KLF12: variants seen among roughly 807,000 people sequenced by gnomAD.
KLF12 encodes KLF transcription factor 12, also known as Krueppel-like factor 12.
KLF12 carries 9 observed loss-of-function variants against 37.8 expected under a neutral mutation model. That is an observed-to-expected ratio of 0.24 (90% confidence interval 0.14 to 0.42). The LOEUF is 0.42. Ranked by LOEUF, KLF12 falls within the 10% of genes least tolerant of loss-of-function variation. The pLI is 1.00. For synonymous variants in KLF12, 208 were observed against 202.1 expected (o/e 1.03, Z -0.25); for missense variants, 411 against 516.0 (o/e 0.80, Z 1.97).
intron 2 of KLF12, among the ~76,000 whole-genome samples, chr13:73,973,386 G>A (rs2138120883): frequency 6.6e-6 from 1 of 152,282 alleles, no homozygotes; most frequent in Non-Finnish European, 1.5e-5. Context: ...ACTAAGTTCA[G>A]TATCTGAGTG....
chr13:74,305,117 A>C, the KLF12 span, among the ~76,000 whole-genome samples: 1 of 152,050 alleles, frequency 6.6e-6, no homozygotes, highest in African/African-American at 2.4e-5. Flanking sequence ...ATTTTCCCCC[A>C]TAAATCTTGA....
chr13:73,779,348 A>C (rs1393752656), intron 5 of KLF12, among the ~76,000 whole-genome samples: 1 of 152,202 alleles, frequency 6.6e-6, no homozygotes, highest in African/African-American at 2.4e-5. Context: ...GAGAGTGAGC[A>C]CAATCACCAG....
intron 5 of KLF12, among the ~76,000 whole-genome samples, chr13:73,779,939 C>T (rs1213987535): frequency 6.6e-6 from 1 of 152,082 alleles, no homozygotes; most frequent in Non-Finnish European, 1.5e-5. Context: ...ATTCTAGATG[C>T]CATTAAGAAC....
At chr13:73,826,474 A>G (rs1302292623) in intron 4 of KLF12, among the ~76,000 whole-genome samples, 1 of 152,138 alleles carries the variant, frequency 6.6e-6, no homozygotes, top group African/African-American at 2.4e-5. Context: ...ATGTCAAGTC[A>G]TTTCTTAGTT....
chr13:74,146,622 T>TA, the KLF12 span, among the ~76,000 whole-genome samples: 60 of 152,342 alleles, frequency 3.9e-4, no homozygotes, highest in Non-Finnish European at 4.4e-4. Flanking sequence ...ACACTATTAG[T>TA]AAAAAACTAA....
intron 1 of KLF12, among the ~76,000 whole-genome samples, chr13:74,073,242 T>C (rs1286985252): frequency 6.6e-6 from 1 of 152,248 alleles, no homozygotes; most frequent in Non-Finnish European, 1.5e-5. Context: ...TACAGCCATC[T>C]ATTTGACTGA....
At chr13:73,763,506 G>A (rs1879701738) in intron 6 of KLF12, among the ~76,000 whole-genome samples, 2 of 152,184 alleles carry the variant, frequency 1.3e-5, no homozygotes, top group Non-Finnish European at 2.9e-5. Context: ...CTTCTCTGGA[G>A]ATACAAGAGG....
At chr13:73,738,090 TAC>T (rs1157277218) in intron 6 of KLF12, among the ~76,000 whole-genome samples, 5 of 108,324 alleles carry the variant, frequency 4.6e-5, no homozygotes, top group Non-Finnish European at 9.9e-5. Flanking sequence ...TATGTATGTG[TAC>T]ATATATATAT....
At chr13:73,793,897 G>T (rs942400768) in intron 5 of KLF12, among the ~76,000 whole-genome samples, 1 of 152,172 alleles carries the variant, frequency 6.6e-6, no homozygotes, top group Non-Finnish European at 1.5e-5. Flanking sequence ...AATGACAAAG[G>T]ACAACTGGTG....
rs180781388 is a variant in KLF12 at position 73,807,493 on chromosome 13, A to G, written c.806+5659T>C. On this transcript the variant is annotated intron_variant, in intron 5 of 7. Transcript: ENST00000377669. ...TTCTTTAAGACGATGAGCACTTCAT[A>G]TAAGCCATATAATAATAAAAACAGG... 1.8e-3 allele frequency among the ~76,000 whole-genome samples: 270 copies of G among 152,296 alleles called. 3 individuals are homozygous for G. The highest frequency in any genetic ancestry group is 0.017 in the South Asian group (84 of 4,826).
intron 5 of KLF12, among the ~76,000 whole-genome samples, chr13:73,774,655 T>C (rs1880489181): frequency 6.6e-6 from 1 of 152,200 alleles, no homozygotes; most frequent in Admixed American, 6.5e-5. Flanking sequence ...GTGAAAGGTA[T>C]ATGTGAATTC....
intron 4 of KLF12, among the ~76,000 whole-genome samples, chr13:73,842,712 A>G (rs1406658362): frequency 6.6e-6 from 1 of 152,188 alleles, no homozygotes; most frequent in East Asian, 1.9e-4. Flanking sequence ...CATTTTGAAA[A>G]TCCAACTTCC....
chr13:73,851,123 CT>C (rs1291112910), intron 3 of KLF12, among the ~76,000 whole-genome samples: 1 of 152,120 alleles, frequency 6.6e-6, no homozygotes, highest in South Asian at 2.1e-4. Context: ...GCATTAAGTG[CT>C]TTTTAAGTAA....
At chr13:74,091,992 CT>C (rs1319267662) in intron 1 of KLF12, among the ~76,000 whole-genome samples, 1 of 127,612 alleles carries the variant, frequency 7.8e-6, no homozygotes, top group East Asian at 4.6e-4. Context: ...ACAAAGCAAC[CT>C]TTAAAAAAAA....
the KLF12 span, among the ~76,000 whole-genome samples, chr13:74,263,478 C>A: frequency 1.3e-5 from 2 of 152,164 alleles, no homozygotes; most frequent in Non-Finnish European, 2.9e-5. Flanking sequence ...TGTCAGCTCA[C>A]GTTTGACACT....
intron 6 of KLF12, among the ~76,000 whole-genome samples, chr13:73,738,110 T>TGTATATGTAC (rs1218452087): frequency 1.1e-5 from 1 of 90,476 alleles, no homozygotes; most frequent in African/African-American, 4.5e-5. Flanking sequence ...TATATATATA[T>TGTATATGTAC]ATATATATAT....
chr13:73,984,026 G>C (rs1891754835), intron 2 of KLF12, among the ~76,000 whole-genome samples: 1 of 152,188 alleles, frequency 6.6e-6, no homozygotes, highest in Non-Finnish European at 1.5e-5. Context: ...CAGTGCTTCA[G>C]ACAGAAATGG....
At chr13:74,044,576 G>A (rs191346777) in intron 1 of KLF12, among the ~76,000 whole-genome samples, 29 of 152,256 alleles carry the variant, frequency 1.9e-4, no homozygotes, top group Admixed American at 1.1e-3. Flanking sequence ...GCTGGGCATG[G>A]TGGCTCACGT....
chr13:73,693,596 T>C lies in KLF12; in HGVS notation c.*1894A>G, dbSNP rs1873939252. 1 of 152,584 alleles carries C rather than the reference T, an allele frequency of 6.6e-6. No individual in the cohort carries two copies. The highest frequency in any genetic ancestry group is 2.4e-5 in the African/African-American group (1 of 41,464). 9.5% of individuals were successfully genotyped at this position (152,584 alleles called of 1,614,324 possible). Reference sequence around the variant, plus strand: ...AGTTCTCGCTTCATCAGAATAAGATTATCTGAATTAGAAGATGATCCTAAA... The same window carrying C: ...AGTTCTCGCTTCATCAGAATAAGATCATCTGAATTAGAAGATGATCCTAAA... On this transcript the variant is annotated 3_prime_UTR_variant, in exon 8 of 8. Transcript: ENST00000377669.
Sources: allele counts gnomAD v4.1 joint callset (sites outside exome capture counted in the v4.1 genomes callset), GRCh38; gene constraint gnomAD v4.1.1; transcripts MANE v1.5; gene names NCBI Gene and HGNC (gene_info 2026-07-23, HGNC 2026-07-21).